TMEM230: variants seen among roughly 807,000 people sequenced by gnomAD.
TMEM230 encodes UPF0414 transmembrane protein C20orf30.
Under a neutral mutation model 15.8 loss-of-function variants are expected in TMEM230, and 10 were observed. That is an observed-to-expected ratio of 0.63 (90% CI 0.39 to 1.07). The LOEUF (loss-of-function observed/expected upper bound fraction) is 1.07, where lower values mean the gene tolerates loss of function less well. Among genes scored for constraint, TMEM230 ranks in the 50% least tolerant of loss-of-function variants. The pLI is 0.01. For missense variants in TMEM230, 165 were observed against 193.3 expected (o/e 0.85, Z 0.87); for synonymous variants, 67 against 76.9 (o/e 0.87, Z 0.68).
chr20:5,109,123 A>G (rs2090208446), intron 3 of TMEM230: 1 of 417,034 alleles, frequency 2.4e-6, no homozygotes, highest in Non-Finnish European at 4.3e-6. Flanking sequence ...AAAAATTCTT[A>G]GAAATGGACA....
the TMEM230 span, among the ~76,000 whole-genome samples, chr20:5,062,944 T>C: frequency 1.3e-5 from 2 of 152,086 alleles, no homozygotes; most frequent in Admixed American, 6.6e-5. Flanking sequence ...AAGAGAAGTA[T>C]AGTCTCCAGG....
At chr20:5,105,311 T>C (rs1199789006) in intron 4 of TMEM230, among the ~76,000 whole-genome samples, 1 of 150,676 alleles carries the variant, frequency 6.6e-6, no homozygotes, top group African/African-American at 2.5e-5. Context: ...TGTATGTATG[T>C]ATGTATGTGT....
At chr20:5,103,730 C>T (rs2122753245) in intron 4 of TMEM230, among the ~76,000 whole-genome samples, 1 of 151,798 alleles carries the variant, frequency 6.6e-6, no homozygotes, top group South Asian at 2.1e-4. Flanking sequence ...ACTGGATATC[C>T]ATATGCTGAA....
At chr20:5,099,520 C>T (rs951890471), downstream of TMEM230, among the ~76,000 whole-genome samples, 2 of 151,872 alleles carry the variant, frequency 1.3e-5, no homozygotes, top group African/African-American at 2.4e-5. Flanking sequence ...TGATCTCAAA[C>T]AGCCCTCTAG....
chr20:5,108,716 G>A (rs898228595), intron 3 of TMEM230, among the ~76,000 whole-genome samples: 1 of 152,170 alleles, frequency 6.6e-6, no homozygotes, highest in African/African-American at 2.4e-5. Flanking sequence ...GTTCCACGTA[G>A]AACATTCTAT....
downstream of TMEM230, among the ~76,000 whole-genome samples, chr20:5,099,231 T>TC (rs1310079054): frequency 9.4e-4 from 72 of 76,852 alleles, no homozygotes; most frequent in African/African-American, 1.6e-3. Flanking sequence ...AATAAATAAA[T>TC]AAATCAATCA....
At chr20:5,101,426 TTTC>T (rs751636967) in intron 4 of TMEM230, among the ~76,000 whole-genome samples, 1 of 152,206 alleles carries the variant, frequency 6.6e-6, no homozygotes, top group Non-Finnish European at 1.5e-5. Context: ...CTTTCTCTTT[TTTC>T]TTTTTTTTTG....
chr20:5,059,677 A>G, the TMEM230 span, among the ~76,000 whole-genome samples: 1 of 150,142 alleles, frequency 6.7e-6, no homozygotes, highest in African/African-American at 2.5e-5. Context: ...TGGCTTGATC[A>G]TGGCTCACTG....
rs576533923 is a variant in TMEM230, at chr20:5,088,177, C to T, written c.222+18011G>A. ...TACAAAAACTAGCCTGGCGTGGTGG[C>T]GCATGCCTGTAATCCCAGCTACTCT... On this transcript the variant is annotated intron_variant, in intron 3 of 3. Transcript: ENST00000612323. Among the ~76,000 whole-genome samples the T allele has an allele frequency of 7.3e-5, 11 of 151,238 alleles. No homozygotes were observed. In the South Asian group the frequency reaches 1.9e-3, roughly 26 times the overall value.
chr20:5,070,223 T>C (rs7267563), intron 3 of TMEM230, among the ~76,000 whole-genome samples: 8,365 of 152,168 alleles, frequency 0.055, 709 homozygotes, highest in African/African-American at 0.19. Context: ...CTCCAGTTGA[T>C]TGTCCCAGCT....
In TMEM230 at chr20:5,092,234, A is replaced by G. The variant is rs189727106; in HGVS notation, c.222+13954T>C. Among the ~76,000 whole-genome samples the G allele has an allele frequency of 4.0e-3, 612 of 152,274 alleles. 4 individuals are homozygous for G. Among genetic ancestry groups the G allele is most frequent in the Middle Eastern group, 6.8e-3 (2 of 294 alleles). ...AGGTGGGGAGATGAAAACACCAGGG[A>G]GAAAAATATAGTGGAAGATCATCTT... is the stretch of plus-strand genomic sequence containing the variant. On this transcript the variant is annotated intron_variant, in intron 3 of 3. Coordinates refer to the TMEM230 transcript ENST00000612323.
At chr20:5,109,515 A>C in intron 2 of TMEM230, 70 bp from the exon 2 acceptor site, 3 of 1,206,904 alleles carry the variant, frequency 2.5e-6, no homozygotes, top group Non-Finnish European at 2.4e-6. Context: ...CAATGAGTTC[A>C]GGATTATTAG....
At chr20:5,095,365 C>T (rs973337151), downstream of TMEM230, among the ~76,000 whole-genome samples, 1 of 152,164 alleles carries the variant, frequency 6.6e-6, no homozygotes, top group Non-Finnish European at 1.5e-5. Flanking sequence ...TCGTCCCCTT[C>T]CCTGAGCCTT....
At chr20:5,109,966 G>A (rs1474711890) in intron 2 of TMEM230, among the ~76,000 whole-genome samples, 1 of 152,208 alleles carries the variant, frequency 6.6e-6, no homozygotes, top group East Asian at 1.9e-4. Context: ...TCAGCATTTT[G>A]CCTATTTCCC....
rs138053230 is a variant in TMEM230 at position 5,107,933 on chromosome 20, G to A, written c.288+1399C>T. On this transcript the variant is annotated intron_variant, in intron 3 of 4. Transcript: ENST00000342308. ...TCGAGACCAGCCTGGCCAACATGGC[G>A]AAACCCCATCTATACTAAAAATACG... 4.8e-3 allele frequency among the ~76,000 whole-genome samples: 730 copies of A among 151,992 alleles called. 4 individuals are homozygous for A. The highest frequency in any genetic ancestry group is 7.2e-3 in the Non-Finnish European group (489 of 67,996).
intron 3 of TMEM230, among the ~76,000 whole-genome samples, chr20:5,107,327 G>A (rs113509014): frequency 2.0e-5 from 3 of 152,082 alleles, no homozygotes; most frequent in South Asian, 4.2e-4. Flanking sequence ...AAAACAGGAG[G>A]GTAATTAAGA....
chr20:5,109,986 G>T (rs2090247727), intron 2 of TMEM230, among the ~76,000 whole-genome samples: 1 of 152,190 alleles, frequency 6.6e-6, no homozygotes, highest in Non-Finnish European at 1.5e-5. Flanking sequence ...CCTTGATAGA[G>T]ATCAACCTTT....
Position 5,100,087 on chromosome 20 carries a change from A to G in TMEM230, c.*704T>C, listed in dbSNP as rs1050806947. The stretch of plus-strand genomic sequence containing the variant: ...TACATGTTTCATTAGGAAACAGCCA[A>G]AAGTCCGGCCGTTAAAGGAATAATC... On this transcript the variant is annotated 3_prime_UTR_variant, in exon 5 of 5. Coordinates refer to ENST00000342308, the MANE Select transcript of TMEM230 (RefSeq NM_001009923.2). The G allele has an allele frequency of 6.1e-6, 6 of 985,316 alleles. No homozygotes were observed. Among genetic ancestry groups the G allele is most frequent in the Non-Finnish European group, 7.2e-6 (6 of 829,950 alleles). The allele number at this position is 985,316 out of a possible 1,614,324, so 61.0% of individuals were successfully genotyped here. A position where few individuals can be genotyped will look rare whatever the true frequency, so the allele number is the denominator to read the frequency against.
chr20:5,112,722 C>CGCA, intron 1 of TMEM230: 1 of 1,438,408 alleles, frequency 7.0e-7, no homozygotes, highest in Non-Finnish European at 9.1e-7. Context: ...TTACGCGCCT[C>CGCA]TACATACGTT....
Sources: gnomAD v4.1 joint callset for allele counts (sites outside exome capture counted in the v4.1 genomes callset) on GRCh38, gnomAD v4.1.1 for gene constraint, MANE v1.5 for transcripts, NCBI Gene and HGNC (gene_info 2026-07-23, HGNC 2026-07-21) for gene names.